Variants in ZBTB7C observed in about 807,000 individuals in gnomAD.
The protein encoded by ZBTB7C is zinc finger and BTB domain-containing protein 7C.
A neutral mutation model predicts 25.7 loss-of-function variants in ZBTB7C; 8 were observed. The ratio of observed to expected loss-of-function variants is 0.31; its 90% confidence interval spans 0.18 to 0.56. The LOEUF is 0.56. ZBTB7C is among the 20% of genes least tolerant of loss of function. The pLI is 0.91. For synonymous variants in ZBTB7C, 394 were observed against 369.0 expected, an observed-to-expected ratio of 1.07 and a Z score of -0.78; for missense variants, 824 against 855.2, an observed-to-expected ratio of 0.96 and a Z score of 0.46.
At chr18:48,401,334 C>T (rs1369991956) in intron 1 of ZBTB7C, among the ~76,000 whole-genome samples, 4 of 152,154 alleles carry the variant, frequency 2.6e-5, no homozygotes, top group Non-Finnish European at 5.9e-5. Flanking sequence ...GTATGGCTCC[C>T]CTCACTCTTT....
At chr18:48,190,061 T>C (rs1290756291) in intron 2 of ZBTB7C, among the ~76,000 whole-genome samples, 1 of 152,174 alleles carries the variant, frequency 6.6e-6, no homozygotes, top group African/African-American at 2.4e-5. Context: ...TGGCCAAGGC[T>C]TTTCCTGACA....
chr18:48,392,117 C>T (rs1197197958), intron 1 of ZBTB7C, among the ~76,000 whole-genome samples: 1 of 152,206 alleles, frequency 6.6e-6, no homozygotes, highest in African/African-American at 2.4e-5. Context: ...AAGGGAAGGC[C>T]TCTAAGTAAG....
rs945425901 is a variant in ZBTB7C at position 48,338,305 on chromosome 18, G to A, written c.-210C>T. 1.3e-5 allele frequency: 2 copies of A among 152,204 alleles called. No homozygotes were observed. The highest frequency in any genetic ancestry group is 4.8e-5 in the African/African-American group (2 of 41,412). 9.4% of individuals were successfully genotyped at this position (152,204 alleles called of 1,614,324 possible). A position where few individuals can be genotyped will look rare whatever the true frequency, so the allele number is the denominator to read the frequency against. On this transcript the variant is annotated 5_prime_UTR_variant, in exon 2 of 5. Transcript: ENST00000590800. ...GGATTCTGCTCATGCCTCAGGCCCT[G>A]GGTGGACTCCACGCCATCACTTCTT...
intron 2 of ZBTB7C, among the ~76,000 whole-genome samples, chr18:48,208,591 A>C (rs1210861232): frequency 6.6e-6 from 1 of 152,102 alleles, no homozygotes. Flanking sequence ...TAACTCCTGC[A>C]GGCTCCTTAA....
At chr18:48,380,661 C>T (rs1385260631) in intron 1 of ZBTB7C, among the ~76,000 whole-genome samples, 1 of 152,042 alleles carries the variant, frequency 6.6e-6, no homozygotes, top group African/African-American at 2.4e-5. Context: ...CAAGAAGAGT[C>T]TAAGGAGATA....
chr18:48,031,707 G>A (rs1568158364), intron 4 of ZBTB7C, among the ~76,000 whole-genome samples: 1 of 152,218 alleles, frequency 6.6e-6, no homozygotes, highest in East Asian at 1.9e-4. Context: ...GCCACATGCT[G>A]GTGGTGGTGG....
chr18:48,285,461 T>G (rs1050147523), intron 2 of ZBTB7C, among the ~76,000 whole-genome samples: 1 of 152,256 alleles, frequency 6.6e-6, no homozygotes, highest in African/African-American at 2.4e-5. Flanking sequence ...TGTTTTGGTA[T>G]CTGTATAACA....
In ZBTB7C at chr18:48,040,633, C is replaced by T; in HGVS notation, c.475G>A (p.Glu159Lys). Residue 159 changes from glutamate (E) to lysine (K), a missense_variant, in exon 4 of 5, where the codon GAA (glutamate) becomes AAA (lysine). By Grantham distance (56) the Glu-to-Lys change is moderately conservative. Around this residue, in one of 4 missense-constraint regions of ZBTB7C, gnomAD observed 316 missense variants for 299.2 expected, o/e 1.06. Coordinates refer to ENST00000590800, the MANE Select transcript of ZBTB7C (RefSeq NM_001318841.2). Reference sequence around the variant, plus strand: ...TCATCATCGTCATCCTCCTCCTCTTCCTCCTCCTCCTCTTCGTCCTCCTCA... The same window carrying T: ...TCATCATCGTCATCCTCCTCCTCTTTCTCCTCCTCCTCTTCGTCCTCCTCA... ...DDEEDEEEEE[E>K]EEEDDDDDTE... The T allele has an allele frequency of 6.2e-7, 1 of 1,611,292 alleles. No homozygotes were observed. Among genetic ancestry groups the T allele is most frequent in the Non-Finnish European group, 8.5e-7 (1 of 1,178,452 alleles).
chr18:48,174,012 A>G (rs1452122811), intron 3 of ZBTB7C, among the ~76,000 whole-genome samples: 3 of 152,232 alleles, frequency 2.0e-5, no homozygotes, highest in African/African-American at 4.8e-5. Flanking sequence ...TTTAGAATCT[A>G]TATGAAAATT....
At chr18:48,410,572 G>A (rs553615757), upstream of ZBTB7C, 14 of 152,560 alleles carry the variant, frequency 9.2e-5, no homozygotes, top group African/African-American at 3.4e-4. Flanking sequence ...GAGGAGGAAG[G>A]GTCCTGGCCC....
In ZBTB7C at chr18:48,317,759, G is replaced by A. The variant is rs188708384; in HGVS notation, c.-79+20415C>T. Among the ~76,000 whole-genome samples the A allele has an allele frequency of 1.2e-4, 18 of 152,292 alleles. No individual in the cohort carries two copies. In the East Asian group the frequency reaches 2.1e-3, roughly 18 times the overall value. On this transcript the variant is annotated intron_variant, in intron 2 of 4. Coordinates refer to ENST00000590800, the MANE Select transcript of ZBTB7C (RefSeq NM_001318841.2). Reference sequence around the variant, plus strand: ...TGCAGCTATTGAGGGCAGAGCCAGTGGTTCTCAATCCTGGCTAACAAAAAG... The same window carrying A: ...TGCAGCTATTGAGGGCAGAGCCAGTAGTTCTCAATCCTGGCTAACAAAAAG...
intron 1 of ZBTB7C, among the ~76,000 whole-genome samples, chr18:48,349,769 T>G (rs1044387531): frequency 7.9e-5 from 12 of 152,092 alleles, no homozygotes. Context: ...AAATTCCACA[T>G]TTAACAGAGG....
At chr18:48,095,440 T>C (rs984049289) in intron 3 of ZBTB7C, among the ~76,000 whole-genome samples, 10 of 152,308 alleles carry the variant, frequency 6.6e-5, no homozygotes, top group Middle Eastern at 6.8e-3. Context: ...CGGTGGCTCA[T>C]GCCACCCATG....
chr18:48,362,048 G>A (rs891049539), intron 1 of ZBTB7C, among the ~76,000 whole-genome samples: 1 of 152,174 alleles, frequency 6.6e-6, no homozygotes, highest in Non-Finnish European at 1.5e-5. Context: ...GGCAGGCTTG[G>A]GCATGTCTCC....
At chr18:48,398,393 G>A (rs962425107) in intron 1 of ZBTB7C, among the ~76,000 whole-genome samples, 1 of 152,182 alleles carries the variant, frequency 6.6e-6, no homozygotes, top group Non-Finnish European at 1.5e-5. Context: ...GGAGGACCCT[G>A]CATATGGGCA....
intron 2 of ZBTB7C, among the ~76,000 whole-genome samples, chr18:48,292,721 A>G (rs2045269158): frequency 6.6e-6 from 1 of 152,224 alleles, no homozygotes; most frequent in Non-Finnish European, 1.5e-5. Flanking sequence ...AAACAAAGCC[A>G]TTCCTCAATA....
intron 1 of ZBTB7C, among the ~76,000 whole-genome samples, chr18:48,389,230 CTCTCTCGTGTGT>C (rs1448132845): frequency 0.013 from 1,039 of 77,984 alleles, 7 homozygotes; most frequent in East Asian, 0.037. Context: ...CTCTCTCTCT[CTCTCTCGTGTGT>C]GTGTGTGTGT....
At chr18:48,279,795 G>A (rs556795536) in intron 2 of ZBTB7C, among the ~76,000 whole-genome samples, 1 of 152,338 alleles carries the variant, frequency 6.6e-6, no homozygotes, top group African/African-American at 2.4e-5. Flanking sequence ...GAGAGCAGGG[G>A]AAGCACTGAA....
chr18:48,192,877 C>T (rs545862090), intron 2 of ZBTB7C, among the ~76,000 whole-genome samples: 1 of 152,194 alleles, frequency 6.6e-6, no homozygotes, highest in Admixed American at 6.5e-5. Flanking sequence ...GAGGGTATTG[C>T]AAAGGGATGT....
Sources: allele counts gnomAD v4.1 joint callset (sites outside exome capture counted in the v4.1 genomes callset), GRCh38; gene constraint gnomAD v4.1.1; regional missense constraint gnomAD v4.1.1; transcripts MANE v1.5; gene names NCBI Gene and HGNC (gene_info 2026-07-23, HGNC 2026-07-21).